TRPC7: variants seen among roughly 807,000 people sequenced by gnomAD.
TRPC7 encodes the protein transient receptor potential cation channel subfamily C member 7, also known as short transient receptor potential channel 7.
TRPC7 carries 42 observed loss-of-function variants against 90.1 expected under a neutral mutation model. That is an observed-to-expected ratio of 0.47 (90% CI 0.36 to 0.60). TRPC7 has a LOEUF of 0.60. TRPC7 is among the 20% of genes least tolerant of loss of function. The probability of loss-of-function intolerance (pLI) is 0.00; values close to 1 mark genes in which losing one functional copy is unlikely to be tolerated. For synonymous variants in TRPC7, 451 were observed against 436.3 expected (o/e 1.03, Z -0.42); for missense variants, 955 against 1,112.3 (o/e 0.86, Z 2.01).
At chr5:136,348,225 T>C (rs2149856392) in intron 2 of TRPC7, among the ~76,000 whole-genome samples, 1 of 152,356 alleles carries the variant, frequency 6.6e-6, no homozygotes, top group Non-Finnish European at 1.5e-5. Context: ...CGGCCACTAA[T>C]GGCAAAGCCA....
At chr5:136,289,570 C>T (rs367928750) in intron 3 of TRPC7, among the ~76,000 whole-genome samples, 3 of 152,342 alleles carry the variant, frequency 2.0e-5, no homozygotes, top group East Asian at 3.9e-4. Flanking sequence ...TGAGATCAAA[C>T]TGCAAGGTGG....
chr5:136,319,942 C>T (rs1759139356), intron 2 of TRPC7, among the ~76,000 whole-genome samples: 1 of 152,092 alleles, frequency 6.6e-6, no homozygotes, highest in Non-Finnish European at 1.5e-5. Flanking sequence ...ACACTGATTG[C>T]CTTATTGATG....
At chr5:136,329,680 G>A (rs1460378253) in intron 2 of TRPC7, among the ~76,000 whole-genome samples, 5 of 152,274 alleles carry the variant, frequency 3.3e-5, no homozygotes, top group African/African-American at 9.6e-5. Context: ...GGTCATATGC[G>A]TAAGTTATGC....
chr5:136,341,136 G>T (rs1759831303), intron 2 of TRPC7, among the ~76,000 whole-genome samples: 1 of 152,160 alleles, frequency 6.6e-6, no homozygotes, highest in Non-Finnish European at 1.5e-5. Context: ...TTAACTTACA[G>T]ATGTGGTCAC....
At chr5:136,299,282 A>C (rs1758290155) in intron 3 of TRPC7, among the ~76,000 whole-genome samples, 1 of 150,480 alleles carries the variant, frequency 6.6e-6, no homozygotes, top group African/African-American at 2.5e-5. Context: ...GCCTCGCAAC[A>C]AGAGCAAAAT....
At chr5:136,264,099 T>C (rs1039035362) in intron 5 of TRPC7, among the ~76,000 whole-genome samples, 1 of 152,194 alleles carries the variant, frequency 6.6e-6, no homozygotes, top group African/African-American at 2.4e-5. Flanking sequence ...GATTTAACAG[T>C]CTTGAATTCT....
intron 3 of TRPC7, among the ~76,000 whole-genome samples, chr5:136,300,228 T>G (rs1580922761): frequency 6.6e-6 from 1 of 152,214 alleles, no homozygotes; most frequent in East Asian, 1.9e-4. Context: ...GAAAGTTATG[T>G]CAGGTGATTT....
In TRPC7 at chr5:136,226,275, A is replaced by G. The variant is rs913015809; in HGVS notation, c.2041-20T>C. ...ATCCTCCTGTGGAACAAGGGAAACA[A>G]CAACACACCCTCAAAGGCCACGATT... is the stretch of plus-strand genomic sequence containing the variant. On this transcript the variant is annotated intron_variant, in intron 8 of 11. Coordinates refer to ENST00000513104, the MANE Select transcript of TRPC7 (RefSeq NM_020389.3). 3.3e-6 allele frequency: 5 copies of G among 1,537,904 alleles called. No individual in the cohort carries two copies. The African/African-American group carries it at 6.9e-5, about 21-fold the overall frequency.
chr5:136,265,930 T>C (rs1757011395), intron 5 of TRPC7, among the ~76,000 whole-genome samples: 1 of 152,192 alleles, frequency 6.6e-6, no homozygotes, highest in Admixed American at 6.5e-5. Context: ...AAATAATATG[T>C]TTCCCCATGA....
At chr5:136,354,160 A>G (rs533494005) in intron 2 of TRPC7, among the ~76,000 whole-genome samples, 16 of 152,358 alleles carry the variant, frequency 1.1e-4, no homozygotes, top group Admixed American at 7.2e-4. Context: ...CGCACGGCCA[A>G]TGCAGAATAG....
In TRPC7 at chr5:136,344,069, T is replaced by C. The variant is rs191996345; in HGVS notation, c.780+12539A>G. 3.1e-3 allele frequency among the ~76,000 whole-genome samples: 469 copies of C among 152,168 alleles called. 1 individual carries two copies. The highest frequency in any genetic ancestry group is 3.3e-3 in the Non-Finnish European group (225 of 67,990). On this transcript the variant is annotated intron_variant, in intron 2 of 11. Coordinates refer to ENST00000513104, the MANE Select transcript of TRPC7 (RefSeq NM_020389.3). The stretch of plus-strand genomic sequence containing the variant: ...CTAGACTGGATAAAGAAAATGTACA[T>C]AAATACCATGGAATACTACGCAGCC...
At chr5:136,228,811 C>G (rs995996995) in intron 8 of TRPC7, among the ~76,000 whole-genome samples, 1 of 152,142 alleles carries the variant, frequency 6.6e-6, no homozygotes. Context: ...CTTCCATGGT[C>G]CAGTAAGACA....
At chr5:136,291,087 A>G (rs1474925044) in intron 3 of TRPC7, among the ~76,000 whole-genome samples, 1 of 152,224 alleles carries the variant, frequency 6.6e-6, no homozygotes, top group Non-Finnish European at 1.5e-5. Flanking sequence ...AGAGAAGCAA[A>G]TGCTGAGAGA....
At chr5:136,245,633 C>G (rs1229738982) in intron 7 of TRPC7, among the ~76,000 whole-genome samples, 1 of 152,088 alleles carries the variant, frequency 6.6e-6, no homozygotes, top group African/African-American at 2.4e-5. Context: ...CCCCATTGAT[C>G]CTGGCTGCTG....
intron 3 of TRPC7, among the ~76,000 whole-genome samples, chr5:136,276,790 T>C (rs556946310): frequency 2.0e-5 from 3 of 152,278 alleles, no homozygotes; most frequent in East Asian, 3.9e-4. Context: ...TGGCTCACAA[T>C]GAAGAGGAGC....
intron 8 of TRPC7, among the ~76,000 whole-genome samples, chr5:136,229,354 C>G (rs1039573705): frequency 1.3e-5 from 2 of 152,162 alleles, no homozygotes; most frequent in African/African-American, 4.8e-5. Context: ...CCCTCCCTGC[C>G]TTGGTACATG....
At chr5:136,308,636 A>G (rs1758726633) in intron 3 of TRPC7, among the ~76,000 whole-genome samples, 1 of 152,230 alleles carries the variant, frequency 6.6e-6, no homozygotes, top group East Asian at 1.9e-4. Context: ...AGCAGAGGGC[A>G]TCTGCCCTCT....
At chr5:136,344,768 C>A (rs987364564) in intron 2 of TRPC7, among the ~76,000 whole-genome samples, 1 of 152,168 alleles carries the variant, frequency 6.6e-6, no homozygotes, top group Non-Finnish European at 1.5e-5. Context: ...ATGTTCTTTG[C>A]AGCCTCCTTT....
intron 2 of TRPC7, among the ~76,000 whole-genome samples, chr5:136,343,056 C>T (rs545060691): frequency 5.3e-5 from 8 of 151,920 alleles, no homozygotes; most frequent in African/African-American, 1.9e-4. Context: ...CAGAGAAAAG[C>T]AAAAACTGAA....
Sources: allele counts gnomAD v4.1 joint callset (sites outside exome capture counted in the v4.1 genomes callset), GRCh38; gene constraint gnomAD v4.1.1; transcripts MANE v1.5; gene names NCBI Gene and HGNC (gene_info 2026-07-23, HGNC 2026-07-21).